RAPGEF2: variants seen among roughly 807,000 people sequenced by gnomAD.
RAPGEF2 encodes PDZ domain containing guanine nucleotide exchange factor (GEF) 1.
In RAPGEF2, 54 loss-of-function variants were observed where a neutral mutation model predicts 186.7. That is an observed-to-expected ratio of 0.29 (90% CI 0.23 to 0.36). RAPGEF2 has a LOEUF of 0.36. RAPGEF2 is among the 10% of genes least tolerant of loss of function. The probability of loss-of-function intolerance (pLI) is 1.00; values close to 1 mark genes in which losing one functional copy is unlikely to be tolerated. For missense variants in RAPGEF2, 1,532 were observed against 2,045.0 expected, an observed-to-expected ratio of 0.75 and a Z score of 4.84; for synonymous variants, 712 against 705.9, an observed-to-expected ratio of 1.01 and a Z score of -0.14.
intron 1 of RAPGEF2, among the ~76,000 whole-genome samples, chr4:159,158,326 T>A (rs1561024118): frequency 6.6e-6 from 1 of 152,188 alleles, no homozygotes; most frequent in Non-Finnish European, 1.5e-5. Context: ...ATGTAGATTG[T>A]AGTTGAACAA....
intron 1 of RAPGEF2, among the ~76,000 whole-genome samples, chr4:159,185,450 G>A (rs1344106446): frequency 1.3e-5 from 2 of 152,192 alleles, no homozygotes. Context: ...CAAATGAAAT[G>A]TAGTATATAT....
intron 1 of RAPGEF2, among the ~76,000 whole-genome samples, chr4:159,140,560 T>C (rs1240045903): frequency 6.6e-6 from 1 of 152,190 alleles, no homozygotes; most frequent in Admixed American, 6.5e-5. Context: ...GGATTTGCCA[T>C]GGGCTGCGAA....
chr4:159,138,704 A>G (rs547688790), intron 1 of RAPGEF2, among the ~76,000 whole-genome samples: 1 of 152,360 alleles, frequency 6.6e-6, no homozygotes, highest in South Asian at 2.1e-4. Flanking sequence ...TTGAAATTAT[A>G]TATTGAGTTT....
intron 3 of RAPGEF2, among the ~76,000 whole-genome samples, chr4:159,207,258 A>G (rs1325280550): frequency 6.6e-6 from 1 of 152,224 alleles, no homozygotes; most frequent in African/African-American, 2.4e-5. Context: ...TCCTGATATA[A>G]AGAGTCAACC....
intron 8 of RAPGEF2, among the ~76,000 whole-genome samples, chr4:159,310,113 A>C (rs938264979): frequency 2.0e-5 from 3 of 152,176 alleles, no homozygotes; most frequent in Admixed American, 6.5e-5. Flanking sequence ...TTCAAAGGAC[A>C]GTAGTTGGTA....
chr4:159,323,618 G>A lies in RAPGEF2; in HGVS notation c.1149+1G>A. The A allele has an allele frequency of 6.7e-7, 1 of 1,503,540 alleles. No homozygotes were observed. Among genetic ancestry groups the A allele is most frequent in the South Asian group, 1.4e-5 (1 of 70,592 alleles). 93.1% of individuals were successfully genotyped at this position (1,503,540 alleles called of 1,614,324 possible). On this transcript the variant is annotated splice_donor_variant, in intron 11 of 29. Transcript: ENST00000691494. LOFTEE classifies it high-confidence loss of function. ...GAGAACAAAGGTGGATGACTGCCAG[G>A]TATAAAATATATCATTAAAAATATA...
intron 8 of RAPGEF2, 39 bp from the exon 9 acceptor site, chr4:159,314,552 A>G: frequency 1.3e-6 from 2 of 1,541,856 alleles, no homozygotes; most frequent in South Asian, 1.2e-5. Context: ...AGATTTATTT[A>G]CTTAAAATAG....
intron 4 of RAPGEF2, among the ~76,000 whole-genome samples, chr4:159,215,571 T>C (rs1005937499): frequency 6.6e-6 from 1 of 152,258 alleles, no homozygotes; most frequent in Non-Finnish European, 1.5e-5. Flanking sequence ...TTGAAATGTT[T>C]AGTCTGATTT....
At chr4:159,309,070 C>T (rs1220717764) in intron 8 of RAPGEF2, among the ~76,000 whole-genome samples, 1 of 152,172 alleles carries the variant, frequency 6.6e-6, no homozygotes, top group African/African-American at 2.4e-5. Context: ...TGACTTCACC[C>T]AGGACTGAAG....
chr4:159,179,369 TC>T (rs1746786050), intron 1 of RAPGEF2, among the ~76,000 whole-genome samples: 1 of 152,244 alleles, frequency 6.6e-6, no homozygotes, highest in Admixed American at 6.5e-5. Context: ...GCATTATTTT[TC>T]TATAGTTGTT....
At chr4:159,313,392 A>G (rs1245539167) in intron 8 of RAPGEF2, among the ~76,000 whole-genome samples, 1 of 152,220 alleles carries the variant, frequency 6.6e-6, no homozygotes, top group Non-Finnish European at 1.5e-5. Flanking sequence ...TGTTAAGAGA[A>G]TAATAAAAGT....
At chr4:159,171,684 A>T (rs1360852281) in intron 1 of RAPGEF2, among the ~76,000 whole-genome samples, 7 of 150,568 alleles carry the variant, frequency 4.6e-5, no homozygotes, top group Non-Finnish European at 4.4e-5. Flanking sequence ...TGTCTCTTAA[A>T]TTTTTTTTTT....
At chr4:159,168,676 T>C (rs961235119) in intron 1 of RAPGEF2, among the ~76,000 whole-genome samples, 5 of 152,236 alleles carry the variant, frequency 3.3e-5, no homozygotes, top group African/African-American at 1.2e-4. Flanking sequence ...ACCTCTTTTC[T>C]AATGATAAAA....
Position 159,157,491 on chromosome 4 carries a change from T to C in RAPGEF2, c.70-29151T>C, listed in dbSNP as rs192570908. Reference sequence around the variant, plus strand: ...GTTTGGGAATCATAAACCCATACTCTTTTAAAGTGGTTTCTAGGGTTTCGG... The same window carrying C: ...GTTTGGGAATCATAAACCCATACTCCTTTAAAGTGGTTTCTAGGGTTTCGG... On this transcript the variant is annotated intron_variant, in intron 1 of 29. Coordinates refer to ENST00000691494, the MANE Select transcript of RAPGEF2 (RefSeq NM_001394067.2). Among the ~76,000 whole-genome samples, 322 of 152,356 alleles carry C rather than the reference T, an allele frequency of 2.1e-3. 3 individuals are homozygous for C. The highest frequency in any genetic ancestry group is 7.2e-3 in the African/African-American group (299 of 41,574).
At chr4:159,217,826 T>G (rs918503834) in intron 4 of RAPGEF2, among the ~76,000 whole-genome samples, 3 of 152,218 alleles carry the variant, frequency 2.0e-5, no homozygotes, top group Non-Finnish European at 4.4e-5. Flanking sequence ...TCTGTTGTTT[T>G]TTGACGTTTT....
At chr4:159,227,650 A>G (rs556940447) in intron 4 of RAPGEF2, among the ~76,000 whole-genome samples, 40 of 152,212 alleles carry the variant, frequency 2.6e-4, no homozygotes, top group Non-Finnish European at 1.2e-4. Context: ...GGACATAGAC[A>G]CTACCAAAGT....
At chr4:159,286,348 C>T (rs978858040) in intron 7 of RAPGEF2, among the ~76,000 whole-genome samples, 1 of 152,068 alleles carries the variant, frequency 6.6e-6, no homozygotes, top group East Asian at 1.9e-4. Context: ...CTCACTTGTA[C>T]CATTCCTAAT....
At chr4:159,188,466 CTAG>C (rs1287792511) in intron 2 of RAPGEF2, among the ~76,000 whole-genome samples, 1 of 151,978 alleles carries the variant, frequency 6.6e-6, no homozygotes, top group East Asian at 1.9e-4. Flanking sequence ...GAGTTCAACA[CTAG>C]CCTGGCCAAC....
intron 1 of RAPGEF2, among the ~76,000 whole-genome samples, chr4:159,161,661 A>T (rs899172225): frequency 2.0e-5 from 3 of 152,212 alleles, no homozygotes. Context: ...GCAATGAGCC[A>T]TGATCACGCC....
Sources: gnomAD v4.1 joint callset for allele counts (sites outside exome capture counted in the v4.1 genomes callset) on GRCh38, gnomAD v4.1.1 for gene constraint, MANE v1.5 for transcripts, NCBI Gene and HGNC (gene_info 2026-07-23, HGNC 2026-07-21) for gene names.